The following TIGAR variants were observed in gnomAD, a reference collection of about 807,000 sequenced individuals.
The protein encoded by TIGAR is fructose-2,6-bisphosphatase TIGAR.
A neutral mutation model predicts 17.9 loss-of-function variants in TIGAR; 7 were observed. The ratio of observed to expected loss-of-function variants is 0.39; its 90% confidence interval spans 0.22 to 0.73. The LOEUF (loss-of-function observed/expected upper bound fraction) is 0.73, where lower values mean the gene tolerates loss of function less well. TIGAR is among the 30% of genes least tolerant of loss of function. The pLI, the probability that TIGAR is intolerant of heterozygous loss-of-function variation, is 0.42. For missense variants in TIGAR, 258 were observed against 327.4 expected (o/e 0.79, Z 1.64); for synonymous variants, 94 against 108.6 (o/e 0.87, Z 0.84).
intron 2 of TIGAR, chr12:4,335,781 A>G (rs1864651622): frequency 6.6e-6 from 1 of 152,238 alleles, no homozygotes; most frequent in Admixed American, 6.5e-5. Flanking sequence ...GCTATGCTCT[A>G]TCTCCTTGTA....
At chr12:4,349,951 C>A in intron 4 of TIGAR, 55 bp downstream of exon 4, 1 of 1,241,718 alleles carries the variant, frequency 8.1e-7, no homozygotes, top group South Asian at 1.5e-5. Context: ...TAAGCCACCT[C>A]AGTTTGTCAC....
intron 1 of TIGAR, among the ~76,000 whole-genome samples, chr12:4,322,254 C>G (rs1164132256): frequency 6.6e-6 from 1 of 152,214 alleles, no homozygotes; most frequent in Non-Finnish European, 1.5e-5. Context: ...ACCTCGGCCT[C>G]GCAAAGTGTT....
At position 4,325,646 on chromosome 12, in the gene TIGAR, G is replaced by A. The variant is rs576994999; in HGVS notation, c.32+4343G>A. Among the ~76,000 whole-genome samples, 42 of 151,516 alleles carry A rather than the reference G, an allele frequency of 2.8e-4. No homozygotes were observed. The South Asian group carries it at 8.8e-3, about 32-fold the overall frequency. ...AATCCCAGCTACTCGGGAGGCTGAGGCAGGAGAATCTCTTGAACCCGGGAG... is the reference window on the plus strand; with the variant it reads ...AATCCCAGCTACTCGGGAGGCTGAGACAGGAGAATCTCTTGAACCCGGGAG... On this transcript the variant is annotated intron_variant, in intron 1 of 5. Transcript: ENST00000179259.
intron 3 of TIGAR, among the ~76,000 whole-genome samples, chr12:4,344,310 T>C (rs1251952693): frequency 3.3e-5 from 5 of 152,214 alleles, no homozygotes; most frequent in South Asian, 2.1e-4. Flanking sequence ...AAGGAGGAGC[T>C]GGTACCATTC....
At chr12:4,347,475 G>T (rs1864793595) in intron 3 of TIGAR, among the ~76,000 whole-genome samples, 1 of 152,074 alleles carries the variant, frequency 6.6e-6, no homozygotes, top group South Asian at 2.1e-4. Flanking sequence ...ATAAGACCTA[G>T]TATTTGATAG....
intron 3 of TIGAR, among the ~76,000 whole-genome samples, chr12:4,348,694 A>G (rs1033242791): frequency 2.6e-5 from 4 of 152,240 alleles, no homozygotes; most frequent in African/African-American, 9.6e-5. Context: ...ATACAAGGAA[A>G]TATTGACAGT....
At chr12:4,329,600 G>A (rs1260585126) in intron 1 of TIGAR, among the ~76,000 whole-genome samples, 3 of 152,142 alleles carry the variant, frequency 2.0e-5, no homozygotes, top group South Asian at 4.2e-4. Context: ...GACTCCCAAT[G>A]TGCTGGAATT....
chr12:4,331,969 G>A (rs1378450944), intron 2 of TIGAR, among the ~76,000 whole-genome samples: 2 of 152,074 alleles, frequency 1.3e-5, no homozygotes, highest in African/African-American at 4.8e-5. Context: ...TTCATATTCC[G>A]TGTGCCTGAC....
intron 1 of TIGAR, among the ~76,000 whole-genome samples, chr12:4,322,377 T>C (rs1167135866): frequency 6.6e-6 from 1 of 152,238 alleles, no homozygotes; most frequent in Admixed American, 6.5e-5. Flanking sequence ...TGGACTTAAG[T>C]TTCCTGATAT....
intron 2 of TIGAR, among the ~76,000 whole-genome samples, chr12:4,335,294 C>G (rs974296198): frequency 6.6e-6 from 1 of 151,478 alleles, no homozygotes; most frequent in Non-Finnish European, 1.5e-5. Flanking sequence ...CCTTCAGCCT[C>G]CCAAAGTGCT....
chr12:4,334,725 G>T (rs1864640295), intron 2 of TIGAR, among the ~76,000 whole-genome samples: 1 of 151,782 alleles, frequency 6.6e-6, no homozygotes, highest in South Asian at 2.1e-4. Context: ...GCAGCTGGTG[G>T]TAAACATAGT....
Position 4,357,220 on chromosome 12 carries a change from A to G in TIGAR, c.*4529A>G, listed in dbSNP as rs1223686383. On this transcript the variant is annotated 3_prime_UTR_variant, in exon 6 of 6. Coordinates refer to ENST00000179259, the MANE Select transcript of TIGAR (RefSeq NM_020375.3). ...TTATATTATGTATACTTGCATGCATATTACATTTACAAGTAGATGAATTCG... is the reference window on the plus strand; with the variant it reads ...TTATATTATGTATACTTGCATGCATGTTACATTTACAAGTAGATGAATTCG... Among the ~76,000 whole-genome samples, 2 of 152,236 alleles carry G rather than the reference A, an allele frequency of 1.3e-5. No individual in the cohort carries two copies. The highest frequency in any genetic ancestry group is 2.9e-5 in the Non-Finnish European group (2 of 68,044).
At chr12:4,324,671 G>C (rs1043819454) in intron 1 of TIGAR, 7 of 1,126,206 alleles carry the variant, frequency 6.2e-6, no homozygotes, top group Non-Finnish European at 7.9e-6. Context: ...CGCAGGCCCG[G>C]GTTCACTTGC....
chr12:4,346,407 AT>A (rs1395535656), intron 3 of TIGAR, among the ~76,000 whole-genome samples: 6 of 152,254 alleles, frequency 3.9e-5, no homozygotes, highest in African/African-American at 1.4e-4. Context: ...CATATACACC[AT>A]GGAATACTAT....
In TIGAR at chr12:4,354,778, CTGGGGTGCAA is replaced by C. The variant is rs1312228786; in HGVS notation, c.*2091_*2100del. On this transcript the variant is annotated 3_prime_UTR_variant, in exon 6 of 6. Coordinates refer to ENST00000179259, the MANE Select transcript of TIGAR (RefSeq NM_020375.3). ...ACAGAGTCTCTCTCTGTTGCCCAGGCTGGGGTGCAATGGCGTGATCTTGGCTCACTGCAAC... is the reference window on the plus strand; with the variant it reads ...ACAGAGTCTCTCTCTGTTGCCCAGGCTGGCGTGATCTTGGCTCACTGCAAC... Among the ~76,000 whole-genome samples, 1 of 146,728 alleles carries C rather than the reference CTGGGGTGCAA, an allele frequency of 6.8e-6. No homozygotes were observed. Among genetic ancestry groups the C allele is most frequent in the African/African-American group, 2.5e-5 (1 of 39,370 alleles).
chr12:4,331,243 T>C, intron 1 of TIGAR, 37 bp from the exon 2 acceptor site: 13 of 1,570,894 alleles, frequency 8.3e-6, no homozygotes, highest in Non-Finnish European at 1.1e-5. Flanking sequence ...AACAGTATAA[T>C]TTGGCTAATA....
chr12:4,329,472 G>A (rs541771358), intron 1 of TIGAR, among the ~76,000 whole-genome samples: 1 of 151,342 alleles, frequency 6.6e-6, no homozygotes, highest in East Asian at 1.9e-4. Flanking sequence ...CCGAGTAGCT[G>A]GGATTACAGA....
At chr12:4,330,801 C>G (rs972709856) in intron 1 of TIGAR, among the ~76,000 whole-genome samples, 2 of 152,164 alleles carry the variant, frequency 1.3e-5, no homozygotes, top group Non-Finnish European at 2.9e-5. Flanking sequence ...TGCTGAAGAC[C>G]TAGGAACTAA....
At chr12:4,323,515 A>G (rs752668100) in intron 1 of TIGAR, among the ~76,000 whole-genome samples, 1 of 152,234 alleles carries the variant, frequency 6.6e-6, no homozygotes, top group Non-Finnish European at 1.5e-5. Context: ...CTGACAGTTT[A>G]GTGAGTTAAG....
Sources: allele counts gnomAD v4.1 joint callset (sites outside exome capture counted in the v4.1 genomes callset), GRCh38; gene constraint gnomAD v4.1.1; transcripts MANE v1.5; gene names NCBI Gene and HGNC (gene_info 2026-07-23, HGNC 2026-07-21).